Variants in MAML2 observed in about 807,000 individuals in gnomAD.
The protein encoded by MAML2 is mastermind-like protein 2.
Under a neutral mutation model 96.1 loss-of-function variants are expected in MAML2, and 22 were observed. The observed-to-expected ratio is 0.23, with a 90% CI of 0.16 to 0.33. The LOEUF (loss-of-function observed/expected upper bound fraction) is 0.33. Ranked by LOEUF, MAML2 falls within the 10% of genes least tolerant of loss-of-function variation. MAML2 has a pLI of 1.00. For synonymous variants in MAML2, 561 were observed against 521.3 expected, an observed-to-expected ratio of 1.08 and a Z score of -1.04; for missense variants, 1,367 against 1,392.4, an observed-to-expected ratio of 0.98 and a Z score of 0.29.
intron 1 of MAML2, among the ~76,000 whole-genome samples, chr11:96,188,107 T>G: frequency 6.6e-6 from 1 of 152,212 alleles, no homozygotes; most frequent in East Asian, 1.9e-4. Context: ...TGGAAAGTGA[T>G]GAAAACAGAC....
At chr11:96,075,239 G>T (rs1163549309) in intron 2 of MAML2, among the ~76,000 whole-genome samples, 1 of 152,064 alleles carries the variant, frequency 6.6e-6, no homozygotes, top group South Asian at 2.1e-4. Flanking sequence ...GTGCTATCCT[G>T]GTAGCAAACT....
chr11:96,116,375 AC>A (rs1860241927), intron 1 of MAML2, among the ~76,000 whole-genome samples: 1 of 152,070 alleles, frequency 6.6e-6, no homozygotes, highest in Non-Finnish European at 1.5e-5. Flanking sequence ...AGATATTCCA[AC>A]CCAACCTGCA....
At chr11:96,065,382 CTT>C (rs1859228751) in intron 2 of MAML2, among the ~76,000 whole-genome samples, 2 of 151,042 alleles carry the variant, frequency 1.3e-5, no homozygotes, top group South Asian at 4.2e-4. Flanking sequence ...CACTCTCTCC[CTT>C]TCTCTCTCTA....
intron 1 of MAML2, among the ~76,000 whole-genome samples, chr11:96,337,144 C>G (rs893147006): frequency 6.6e-6 from 1 of 151,894 alleles, no homozygotes; most frequent in African/African-American, 2.4e-5. Context: ...TAAGAATTCT[C>G]CTTTTTTTTT....
At chr11:96,019,341 G>T (rs1449170451) in intron 2 of MAML2, among the ~76,000 whole-genome samples, 1 of 151,998 alleles carries the variant, frequency 6.6e-6, no homozygotes. Flanking sequence ...ATAGTCTTTG[G>T]CTATCATCCT....
intron 1 of MAML2, among the ~76,000 whole-genome samples, chr11:96,280,786 T>G (rs999058319): frequency 2.0e-5 from 3 of 152,218 alleles, no homozygotes; most frequent in Non-Finnish European, 4.4e-5. Flanking sequence ...CCCTCTGGTG[T>G]TGTTATTTGG....
chr11:96,029,880 C>T lies in MAML2; in HGVS notation c.2140-38157G>A, dbSNP rs142782164. Among the ~76,000 whole-genome samples, 1,478 of 152,252 alleles carry T rather than the reference C, an allele frequency of 9.7e-3. 32 individuals carry two copies. The highest frequency in any genetic ancestry group is 0.033 in the African/African-American group (1,386 of 41,538). On this transcript the variant is annotated intron_variant, in intron 2 of 4. Coordinates refer to ENST00000524717, the MANE Select transcript of MAML2 (RefSeq NM_032427.4). ...TTTTGTTTTTGTTTTTGTATGTTAC[C>T]AGACCACAAAATATTTCTGGAAAAA...
chr11:96,034,432 T>TGTGTGAGAGAGAGAGAGA (rs549312275), intron 2 of MAML2, among the ~76,000 whole-genome samples: 15 of 135,654 alleles, frequency 1.1e-4, no homozygotes, highest in Non-Finnish European at 1.7e-4. Context: ...TGTGTGTGTG[T>TGTGTGAGAGAGAGAGAGA]GAGAGAGAGA....
At chr11:95,996,242 A>G (rs1857989399) in intron 2 of MAML2, among the ~76,000 whole-genome samples, 1 of 152,254 alleles carries the variant, frequency 6.6e-6, no homozygotes, top group Non-Finnish European at 1.5e-5. Flanking sequence ...ATGAAGAGAA[A>G]GAAAAGAGGT....
chr11:96,329,643 A>G (rs1006242030), intron 1 of MAML2, among the ~76,000 whole-genome samples: 17 of 152,334 alleles, frequency 1.1e-4, no homozygotes, highest in African/African-American at 3.6e-4. Context: ...AAATTGCCCT[A>G]CTAGGTAGTA....
intron 1 of MAML2, among the ~76,000 whole-genome samples, chr11:96,100,978 T>C (rs1859919381): frequency 6.6e-6 from 1 of 152,094 alleles, no homozygotes; most frequent in South Asian, 2.1e-4. Flanking sequence ...ACTCCTGGAC[T>C]CAAGGTGTCC....
chr11:96,283,755 C>T (rs892530965), intron 1 of MAML2, among the ~76,000 whole-genome samples: 4 of 152,172 alleles, frequency 2.6e-5, no homozygotes, highest in African/African-American at 7.2e-5. Context: ...TTCACTCCTG[C>T]TTTCTTTTAC....
intron 1 of MAML2, among the ~76,000 whole-genome samples, chr11:96,117,394 C>T (rs116521041): frequency 0.013 from 1,950 of 151,620 alleles, 45 homozygotes; most frequent in African/African-American, 0.045. Flanking sequence ...CTCCTGGGTT[C>T]GAAAGATCCT....
At position 95,994,501 on chromosome 11, in the gene MAML2, A is replaced by C. The variant is rs538359890; in HGVS notation, c.2140-2778T>G. On this transcript the variant is annotated intron_variant, in intron 2 of 4. Transcript: ENST00000524717. ...GTCTTGGAGGGCAAAAGGAGGAGGA[A>C]ATACATGGAGGATTGGGGGCTGGGC... Among the ~76,000 whole-genome samples, 9 of 152,208 alleles carry C rather than the reference A, an allele frequency of 5.9e-5. No individual in the cohort carries two copies. The South Asian group carries it at 1.0e-3, about 18-fold the overall frequency.
At position 96,324,801 on chromosome 11, in the gene MAML2, A is replaced by G. The variant is rs1470603073; in HGVS notation, c.513+16582T>C. Among the ~76,000 whole-genome samples, 3 of 152,216 alleles carry G rather than the reference A, an allele frequency of 2.0e-5. No individual in the cohort carries two copies. The East Asian group carries it at 5.8e-4, about 29-fold the overall frequency. ...TCTGAAATAAGCAATGGTAAGGAGA[A>G]AAAGTTAAGAGACCAATCTTGGTGG... On this transcript the variant is annotated intron_variant, in intron 1 of 4. Coordinates refer to ENST00000524717, the MANE Select transcript of MAML2 (RefSeq NM_032427.4).
At chr11:96,157,958 G>A (rs1861038598) in intron 1 of MAML2, among the ~76,000 whole-genome samples, 2 of 151,992 alleles carry the variant, frequency 1.3e-5, no homozygotes, top group Non-Finnish European at 1.5e-5. Flanking sequence ...GCTTCAAGGG[G>A]TGGTCTCTAA....
intron 3 of MAML2, among the ~76,000 whole-genome samples, chr11:95,990,775 G>A (rs1172874478): frequency 6.6e-6 from 1 of 151,970 alleles, no homozygotes; most frequent in Admixed American, 6.6e-5. Context: ...GTATACTTTA[G>A]CTCTAATTCA....
At chr11:96,245,509 C>G (rs1232991806) in intron 1 of MAML2, among the ~76,000 whole-genome samples, 1 of 151,990 alleles carries the variant, frequency 6.6e-6, no homozygotes, top group Non-Finnish European at 1.5e-5. Context: ...TAGTTTAATT[C>G]CTGAGTATAC....
intron 1 of MAML2, among the ~76,000 whole-genome samples, chr11:96,133,953 C>G (rs1434622010): frequency 2.0e-5 from 3 of 151,960 alleles, no homozygotes; most frequent in Non-Finnish European, 4.4e-5. Flanking sequence ...GAGATCATGC[C>G]ACTGCACTCC....
Sources: gnomAD v4.1 joint callset for allele counts (sites outside exome capture counted in the v4.1 genomes callset) on GRCh38, gnomAD v4.1.1 for gene constraint, MANE v1.5 for transcripts, NCBI Gene and HGNC (gene_info 2026-07-23, HGNC 2026-07-21) for gene names.